Variants in TRAP1 observed in about 807,000 individuals in gnomAD.
TRAP1 encodes the protein TNF receptor associated protein 1.
TRAP1 carries 102 observed loss-of-function variants against 89.1 expected under a neutral mutation model. The ratio of observed to expected loss-of-function variants is 1.15; its 90% CI spans 0.98 to 1.35. The LOEUF (loss-of-function observed/expected upper bound fraction) is 1.35, where lower values mean the gene tolerates loss of function less well. Ranked by LOEUF, TRAP1 falls within the 40% of genes most tolerant of loss-of-function variation. The probability of loss-of-function intolerance (pLI) is 0.00; values close to 1 mark genes in which losing one functional copy is unlikely to be tolerated. For missense variants in TRAP1, 1,256 were observed against 945.3 expected (o/e 1.33, Z -4.31); for synonymous variants, 508 against 388.0 (o/e 1.31, Z -3.64).
intron 2 of TRAP1, among the ~76,000 whole-genome samples, chr16:3,689,503 C>A (rs1038418464): frequency 3.3e-5 from 5 of 152,264 alleles, no homozygotes; most frequent in African/African-American, 1.2e-4. Flanking sequence ...CTCGGCCTCC[C>A]ACACATTTAA....
At chr16:3,694,456 G>C (rs2051259879) in intron 1 of TRAP1, among the ~76,000 whole-genome samples, 1 of 151,948 alleles carries the variant, frequency 6.6e-6, no homozygotes, top group Non-Finnish European at 1.5e-5. Flanking sequence ...CGATTCTCCT[G>C]CCTCAGCCTC....
rs371097207 is a variant in TRAP1, at chr16:3,658,907, G to A, written c.1941-42C>T. ...ACCAGAAAAAGCAGCTCAGTACCAC[G>A]TGCTGTGACCCTCCCTTCATGTTTT... On this transcript the variant is annotated intron_variant, in intron 16 of 17. Coordinates refer to ENST00000246957, the MANE Select transcript of TRAP1 (RefSeq NM_016292.3). 4.4e-4 allele frequency: 700 copies of A among 1,596,928 alleles called. 3 individuals are homozygous for A. Among genetic ancestry groups the A allele is most frequent in the Non-Finnish European group, 5.2e-4 (611 of 1,165,008 alleles).
intron 1 of TRAP1, among the ~76,000 whole-genome samples, chr16:3,711,611 A>C (rs1165015244): frequency 6.6e-6 from 1 of 152,096 alleles, no homozygotes; most frequent in Non-Finnish European, 1.5e-5. Flanking sequence ...AAAAAACAAA[A>C]AAAAAACAAA....
At chr16:3,695,543 A>T (rs1173653461) in intron 1 of TRAP1, among the ~76,000 whole-genome samples, 5 of 151,838 alleles carry the variant, frequency 3.3e-5, no homozygotes, top group Admixed American at 6.6e-5. Flanking sequence ...CTCGAAAAAA[A>T]AAAAAAAAGA....
Position 3,676,100 on chromosome 16 carries a change from C to T in TRAP1, c.750G>A (p.Gly250=). The part of the protein sequence containing the change: ...EIAEASGVRT[G]TKIIIHLKSD... ...ATTTCAGGTGGATGATGATTTTTGT[C>T]CCGGTTCTAACTCCCGAAGCTTCGG... The change falls in exon 7 of 18, where the codon GGG becomes GGA. Residue 250 remains glycine (G), a synonymous_variant. Transcript: ENST00000246957. 1 of 1,613,896 alleles carries T rather than the reference C, an allele frequency of 6.2e-7. No individual in the cohort carries two copies. The highest frequency in any genetic ancestry group is 8.5e-7 in the Non-Finnish European group (1 of 1,179,906).
chr16:3,670,382 CAA>C (rs760902038), intron 11 of TRAP1, among the ~76,000 whole-genome samples: 207 of 22,814 alleles, frequency 9.1e-3, no homozygotes, highest in African/African-American at 0.02. Context: ...GACTCCGTCT[CAA>C]AAAAAAAAAA....
chr16:3,704,413 T>C (rs573414453), intron 1 of TRAP1: 36 of 152,194 alleles, frequency 2.4e-4, no homozygotes, highest in Non-Finnish European at 4.9e-4. Flanking sequence ...TTTACAAAAT[T>C]TCAAACACAT....
At chr16:3,676,332 T>G (rs1310736029) in intron 6 of TRAP1, 187 bp from the exon 7 acceptor site, 3 of 271,498 alleles carry the variant, frequency 1.1e-5, no homozygotes, top group Non-Finnish European at 2.0e-5. Flanking sequence ...ACGATGAGCC[T>G]GTCGCAGGCG....
chr16:3,662,302 T>C, intron 15 of TRAP1, 170 bp from the exon 16 acceptor site: 1 of 785,548 alleles, frequency 1.3e-6, no homozygotes, highest in Non-Finnish European at 2.0e-6. Flanking sequence ...TTGTGGGCCC[T>C]GAGCTGATGC....
At chr16:3,712,656 G>A (rs1194073157) in intron 1 of TRAP1, among the ~76,000 whole-genome samples, 7 of 152,158 alleles carry the variant, frequency 4.6e-5, no homozygotes, top group Admixed American at 4.6e-4. Flanking sequence ...CGCCCAGGAG[G>A]GAGTGCAGTG....
chr16:3,662,935 C>T lies in TRAP1; in HGVS notation c.1741G>A (p.Glu581Lys). Residue 581 changes from glutamate to lysine, a missense_variant, in exon 15 of 18, where the codon GAG becomes AAG. Transcript: ENST00000246957. ...AECLSEKETE[E>K]LMAWMRNVLG... ...ACATTTCTCATCCAGGCCATGAGCT[C>T]CTCCGTCTCCTTCTCTGATAGGCAC... The T allele has an allele frequency of 1.9e-6, 3 of 1,612,708 alleles. No homozygotes were observed. Among genetic ancestry groups the T allele is most frequent in the Non-Finnish European group, 2.5e-6 (3 of 1,179,994 alleles).
At chr16:3,661,939 GA>G (rs747633704) in intron 16 of TRAP1, 47 bp downstream of exon 16, 13 of 1,541,332 alleles carry the variant, frequency 8.4e-6, no homozygotes, top group Non-Finnish European at 1.1e-5. Flanking sequence ...CCACACACAG[GA>G]TTCTGGGGAA....
chr16:3,696,766 G>A (rs1273840593), intron 1 of TRAP1, among the ~76,000 whole-genome samples: 4 of 148,642 alleles, frequency 2.7e-5, no homozygotes, highest in Admixed American at 6.8e-5. Flanking sequence ...TCACTCTGTC[G>A]CCCAGGCTGA....
chr16:3,717,142 C>G (rs1030095291), intron 1 of TRAP1, among the ~76,000 whole-genome samples: 14 of 152,354 alleles, frequency 9.2e-5, no homozygotes, highest in African/African-American at 3.1e-4. Flanking sequence ...GAGGGACGAC[C>G]CCGCAGCCGC....
rs750670034 is a variant in TRAP1, at chr16:3,662,059, C to T, written c.1868G>A (p.Arg623His). ...LEMGAARHFL[R>H]MQQLAKTQEE... ...CTGGGTCTTGGCCAGCTGCTGCATGCGCAGGAAGTGGCGGGCAGCCCCCAT... is the reference window on the plus strand; with the variant it reads ...CTGGGTCTTGGCCAGCTGCTGCATGTGCAGGAAGTGGCGGGCAGCCCCCAT... Residue 623 changes from arginine to histidine, a missense_variant, in exon 16 of 18, where the codon CGC becomes CAC. Physicochemically the swap from Arg to His is conservative, Grantham distance 29 (BLOSUM62 0). Transcript: ENST00000246957. 2.5e-5 allele frequency: 41 copies of T among 1,613,316 alleles called. No individual in the cohort carries two copies. Among genetic ancestry groups the T allele is most frequent in the Middle Eastern group, 1.6e-4 (1 of 6,082 alleles).
intron 1 of TRAP1, among the ~76,000 whole-genome samples, chr16:3,703,643 G>C (rs1248017269): frequency 6.6e-6 from 1 of 151,980 alleles, no homozygotes; most frequent in Non-Finnish European, 1.5e-5. Flanking sequence ...TTTTTCATCA[G>C]ATATACCTCT....
chr16:3,707,588 T>C (rs1405449669), intron 1 of TRAP1, among the ~76,000 whole-genome samples: 1 of 151,448 alleles, frequency 6.6e-6, no homozygotes, highest in Non-Finnish European at 1.5e-5. Context: ...GTGAGGTGGC[T>C]CATGCCTGTA....
chr16:3,709,905 CTG>C (rs1355019453), intron 1 of TRAP1, among the ~76,000 whole-genome samples: 7 of 152,200 alleles, frequency 4.6e-5, no homozygotes, highest in African/African-American at 1.4e-4. Flanking sequence ...CCGCCTCAGC[CTG>C]CCAAAGTGCT....
At position 3,681,473 on chromosome 16, in the gene TRAP1, C is replaced by T. The variant is rs2051072580; in HGVS notation, c.472-1683G>A. Among the ~76,000 whole-genome samples, 3 of 152,224 alleles carry T rather than the reference C, an allele frequency of 2.0e-5. No individual in the cohort carries two copies. In the South Asian group the frequency reaches 6.2e-4, roughly 31 times the overall value. ...TCACCACCAGTTACTGCAGTGCACA[C>T]ATGTGTGCATGTTTCACGGGCCCCA... On this transcript the variant is annotated intron_variant, in intron 4 of 17. Transcript: ENST00000246957.
Sources: allele counts gnomAD v4.1 joint callset (sites outside exome capture counted in the v4.1 genomes callset), GRCh38; gene constraint gnomAD v4.1.1; transcripts MANE v1.5; gene names NCBI Gene and HGNC (gene_info 2026-07-23, HGNC 2026-07-21).